RARA: variants seen among roughly 807,000 people sequenced by gnomAD.
RARA encodes PML-DDX5-RARA fusion.
Under a neutral mutation model 42.8 loss-of-function variants are expected in RARA, and 5 were observed. The ratio of observed to expected loss-of-function variants is 0.12; its 90% CI spans 0.06 to 0.25. The LOEUF (loss-of-function observed/expected upper bound fraction) is 0.25. Among genes scored for constraint, RARA ranks in the 10% least tolerant of loss-of-function variants. RARA has a pLI of 1.00. For missense variants in RARA, 402 were observed against 628.7 expected (o/e 0.64, Z 3.86); for synonymous variants, 256 against 259.5 (o/e 0.99, Z 0.13).
Position 40,356,325 on chromosome 17 carries a change from C to A in RARA, c.*99C>A. The A allele has an allele frequency of 7.6e-7, 1 of 1,309,362 alleles. No individual in the cohort carries two copies. Among genetic ancestry groups the A allele is most frequent in the Non-Finnish European group, 1.1e-6 (1 of 936,692 alleles). 81.1% of individuals were successfully genotyped at this position (1,309,362 alleles called of 1,614,324 possible). On this transcript the variant is annotated 3_prime_UTR_variant, in exon 9 of 9. Transcript: ENST00000254066. ...CCCGCACCAGCCCTGCCCCCACCTG[C>A]CCTCCCGGGCAGTACTGGGGACCTT...
intron 2 of RARA, among the ~76,000 whole-genome samples, chr17:40,337,827 G>C (rs190082854): frequency 4.6e-5 from 7 of 152,142 alleles, no homozygotes; most frequent in African/African-American, 1.4e-4. Flanking sequence ...CCACTTCCTC[G>C]CTGTTGCAGT....
chr17:40,342,898 AG>A, intron 2 of RARA: 3 of 1,589,784 alleles, frequency 1.9e-6, no homozygotes, highest in Admixed American at 1.7e-5. Context: ...CTGCTGTTGT[AG>A]GGGGTGGGAG....
At chr17:40,347,326 G>T (rs1216807148) in intron 2 of RARA, among the ~76,000 whole-genome samples, 1 of 152,176 alleles carries the variant, frequency 6.6e-6, no homozygotes, top group Non-Finnish European at 1.5e-5. Flanking sequence ...GGGAATCTGG[G>T]ATTGTCCTGG....
intron 2 of RARA, chr17:40,342,258 C>T (rs1486925826): frequency 1.9e-6 from 2 of 1,058,950 alleles, no homozygotes; most frequent in Admixed American, 1.1e-4. Context: ...GGAATCCTCG[C>T]CACGGAGAAT....
intron 2 of RARA, among the ~76,000 whole-genome samples, chr17:40,347,305 C>T (rs1266260484): frequency 1.3e-5 from 2 of 152,170 alleles, no homozygotes; most frequent in Non-Finnish European, 2.9e-5. Context: ...GACGATGCTG[C>T]GTGGCCCCTT....
chr17:40,346,641 C>T (rs751202924), intron 2 of RARA, among the ~76,000 whole-genome samples: 125 of 152,274 alleles, frequency 8.2e-4, no homozygotes, highest in Non-Finnish European at 1.5e-3. Context: ...CCCCCAACCC[C>T]GCCCCCCCAG....
rs759383280 is a variant in RARA, at chr17:40,352,086, G to C, written c.630+16G>C. On this transcript the variant is annotated intron_variant, in intron 5 of 8. Transcript: ENST00000254066. The surrounding 1 kb of genome is among the most constrained non-coding windows in gnomAD (Gnocchi z 4.9). ...ATACACTACGGTATGGCTTTCCCCC[G>C]GCCTGCAGGGTGGGATTTGCCCAGG... 1 of 1,543,932 alleles carries C rather than the reference G, an allele frequency of 6.5e-7. No individual in the cohort carries two copies. Among genetic ancestry groups the C allele is most frequent in the East Asian group, 2.3e-5 (1 of 42,672 alleles).
intron 4 of RARA, chr17:40,350,280 T>G: frequency 4.1e-6 from 1 of 241,052 alleles, no homozygotes. Flanking sequence ...GCATAGGCAG[T>G]CCCTTCTGAT....
chr17:40,316,700 G>A (rs1028856278), intron 1 of RARA, among the ~76,000 whole-genome samples: 1 of 152,220 alleles, frequency 6.6e-6, no homozygotes, highest in African/African-American at 2.4e-5. Flanking sequence ...GAAGGCCCTT[G>A]GGGGAGCGCG....
chr17:40,341,364 T>G, intron 2 of RARA: 1 of 1,447,406 alleles, frequency 6.9e-7, no homozygotes, highest in African/African-American at 1.5e-5. Context: ...CGCTGCCGCG[T>G]CGGGTTCCGG....
At position 40,356,910 on chromosome 17, in the gene RARA, C is replaced by T; in HGVS notation, c.*684C>T. 2.5e-6 allele frequency: 1 copy of T among 406,936 alleles called. No homozygotes were observed. Among genetic ancestry groups the T allele is most frequent in the Non-Finnish European group, 4.6e-6 (1 of 218,900 alleles). 25.2% of individuals were successfully genotyped at this position (406,936 alleles called of 1,614,324 possible). On this transcript the variant is annotated 3_prime_UTR_variant, in exon 9 of 9. Transcript: ENST00000254066. ...GGGGCCCCCACTCTCCTTTCATGTC[C>T]CTGTGCCCCCCAGTTCTCCTCCTCA...
intron 2 of RARA, among the ~76,000 whole-genome samples, chr17:40,332,505 C>T (rs770934205): frequency 5.3e-5 from 8 of 152,188 alleles, no homozygotes; most frequent in Non-Finnish European, 7.4e-5. Flanking sequence ...GTGGGGGCAG[C>T]GCTCTCTCCC....
chr17:40,332,119 G>A (rs747460372), intron 2 of RARA, among the ~76,000 whole-genome samples: 1 of 152,214 alleles, frequency 6.6e-6, no homozygotes, highest in Non-Finnish European at 1.5e-5. Context: ...ACCCTTCGCC[G>A]GCTGGCCGAG....
Position 40,355,873 on chromosome 17 carries a change from C to T in RARA, c.1172-136C>T. The T allele has an allele frequency of 2.4e-6, 2 of 832,290 alleles. No homozygotes were observed. Among genetic ancestry groups the T allele is most frequent in the South Asian group, 1.8e-5 (1 of 55,416 alleles). The allele number at this position is 832,290 out of a possible 1,614,324, so 51.6% of individuals were successfully genotyped here. ...ACCTGGGGGCTTAAGAGAGCTGGCT[C>T]GTGTCAAAGAACTGAATCCCAAGAA... On this transcript the variant is annotated intron_variant, in intron 8 of 8. Coordinates refer to ENST00000254066, the MANE Select transcript of RARA (RefSeq NM_000964.4). This position sits in a 1 kb window ranked among gnomAD's most constrained non-coding sequence, Gnocchi z 4.1.
In RARA at chr17:40,309,271, GCA is replaced by G. The variant is rs1446010130; in HGVS notation, c.-372_-371del. On this transcript the variant is annotated 5_prime_UTR_variant, in exon 1 of 9. Coordinates refer to ENST00000254066, the MANE Select transcript of RARA (RefSeq NM_000964.4). ...TGGGAACCCCATCGGCCCCCTGCCA[GCA>G]CACACCTGAGCAGGTAGGACCATGC... 1.3e-5 allele frequency: 2 copies of G among 152,412 alleles called. No individual in the cohort carries two copies. Among genetic ancestry groups the G allele is most frequent in the Non-Finnish European group, 2.9e-5 (2 of 68,180 alleles). The allele number at this position is 152,412 out of a possible 1,614,324, so 9.4% of individuals were successfully genotyped here. A position where few individuals can be genotyped will look rare whatever the true frequency, so the allele number is the denominator to read the frequency against.
At chr17:40,330,059 C>G (rs567872400) in intron 1 of RARA, among the ~76,000 whole-genome samples, 2 of 152,292 alleles carry the variant, frequency 1.3e-5, no homozygotes, top group Admixed American at 6.5e-5. Context: ...GGGTGTGGAT[C>G]TGTATTCACA....
At chr17:40,341,300 G>A in intron 2 of RARA, 1 of 1,375,500 alleles carries the variant, frequency 7.3e-7, no homozygotes, top group Admixed American at 3.6e-5. Flanking sequence ...CCGGAAGCAC[G>A]CAGAGCGTGG....
chr17:40,319,990 G>C (rs1598534626), intron 1 of RARA, among the ~76,000 whole-genome samples: 1 of 152,296 alleles, frequency 6.6e-6, no homozygotes, highest in East Asian at 1.9e-4. Context: ...CATCAGTACT[G>C]CCTGGGAGTC....
chr17:40,339,261 C>T (rs2033950603), intron 2 of RARA, among the ~76,000 whole-genome samples: 1 of 152,150 alleles, frequency 6.6e-6, no homozygotes. Flanking sequence ...GTTTGTTGTC[C>T]CCTCCAGATG....
Sources: gnomAD v4.1 joint callset for allele counts (sites outside exome capture counted in the v4.1 genomes callset) on GRCh38, gnomAD v4.1.1 for gene constraint, Gnocchi (gnomAD v3.1) non-coding constraint, MANE v1.5 for transcripts, NCBI Gene and HGNC (gene_info 2026-07-23, HGNC 2026-07-21) for gene names.